Variants in INPP4B observed in about 807,000 individuals in gnomAD.
INPP4B encodes the protein inositol polyphosphate-4-phosphatase type II B, also known as inositol polyphosphate 4-phosphatase type II.
In INPP4B, 55 loss-of-function variants were observed where a neutral mutation model predicts 122.5. That is an observed-to-expected ratio of 0.45 (90% CI 0.36 to 0.56). The LOEUF (loss-of-function observed/expected upper bound fraction) is 0.56. INPP4B is among the 20% of genes least tolerant of loss of function. INPP4B has a pLI of 0.00. For synonymous variants in INPP4B, 403 were observed against 388.7 expected, an observed-to-expected ratio of 1.04 and a Z score of -0.43; for missense variants, 1,000 against 1,097.7, an observed-to-expected ratio of 0.91 and a Z score of 1.26.
intron 25 of INPP4B, among the ~76,000 whole-genome samples, chr4:142,057,532 C>G (rs140226262): frequency 1.6e-3 from 236 of 152,134 alleles, no homozygotes; most frequent in African/African-American, 5.5e-3. Context: ...AAGAGGTCAG[C>G]TGGTATTGGT....
intron 1 of INPP4B, among the ~76,000 whole-genome samples, chr4:142,758,438 C>T (rs1163522912): frequency 1.3e-5 from 2 of 152,066 alleles, no homozygotes; most frequent in African/African-American, 2.4e-5. Flanking sequence ...GAAAAGGACT[C>T]TTTTTGGAAA....
At chr4:142,447,550 G>T (rs1294809677) in intron 3 of INPP4B, among the ~76,000 whole-genome samples, 1 of 152,124 alleles carries the variant, frequency 6.6e-6, no homozygotes, top group Non-Finnish European at 1.5e-5. Context: ...AGTCTCTAGA[G>T]CCAGCAAGAC....
chr4:142,089,234 A>T (rs1256154489), intron 23 of INPP4B, among the ~76,000 whole-genome samples: 3 of 152,152 alleles, frequency 2.0e-5, no homozygotes, highest in Admixed American at 1.3e-4. Context: ...CCCTTCTGGA[A>T]AGCCCCTGAG....
chr4:142,149,985 T>C (rs1812933561), intron 17 of INPP4B, among the ~76,000 whole-genome samples: 1 of 152,080 alleles, frequency 6.6e-6, no homozygotes, highest in Non-Finnish European at 1.5e-5. Flanking sequence ...TAGAGAAGGG[T>C]AAGAAAGATT....
chr4:142,151,775 A>G (rs1212037585), intron 17 of INPP4B, among the ~76,000 whole-genome samples: 2 of 152,228 alleles, frequency 1.3e-5, no homozygotes, highest in Non-Finnish European at 2.9e-5. Context: ...TTAGTCTTCA[A>G]AATGAAACCT....
intron 5 of INPP4B, among the ~76,000 whole-genome samples, chr4:142,420,452 C>A (rs1375624393): frequency 6.6e-6 from 1 of 152,072 alleles, no homozygotes; most frequent in Non-Finnish European, 1.5e-5. Context: ...AGGCTACAAT[C>A]CAACTGCAGA....
intron 1 of INPP4B, among the ~76,000 whole-genome samples, chr4:142,758,478 C>T (rs1409084239): frequency 6.6e-6 from 1 of 152,182 alleles, no homozygotes; most frequent in East Asian, 1.9e-4. Flanking sequence ...TTGTAAGTTC[C>T]TCCAGAGGCC....
At position 142,587,258 on chromosome 4, in the gene INPP4B, A is replaced by AT. The variant is rs560480567; in HGVS notation, c.-190-124533dup. Among the ~76,000 whole-genome samples the AT allele has an allele frequency of 5.2e-3, 797 of 151,954 alleles. 5 individuals are homozygous for AT. The highest frequency in any genetic ancestry group is 0.017 in the African/African-American group (722 of 41,450). On this transcript the variant is annotated intron_variant, in intron 2 of 25. Coordinates refer to ENST00000262992, the MANE Select transcript of INPP4B (RefSeq NM_001101669.3). ...ACACCCCATCCATTTTTAAGAGGTC[A>AT]TTTTTTTTATATCACTGGTTTCCAT... is the stretch of plus-strand genomic sequence containing the variant.
intron 9 of INPP4B, among the ~76,000 whole-genome samples, chr4:142,286,068 T>G (rs1033783154): frequency 3.9e-5 from 6 of 152,074 alleles, no homozygotes; most frequent in African/African-American, 1.4e-4. Flanking sequence ...CCTACAGGAC[T>G]TTTTTTGTTA....
chr4:142,759,858 A>T, intron 1 of INPP4B, among the ~76,000 whole-genome samples: 1 of 145,962 alleles, frequency 6.9e-6, no homozygotes, highest in East Asian at 2.0e-4. Flanking sequence ...AAAAAATTTA[A>T]TTGCCCTGTG....
chr4:142,345,367 T>C (rs533975803), intron 7 of INPP4B, among the ~76,000 whole-genome samples: 1 of 152,112 alleles, frequency 6.6e-6, no homozygotes, highest in South Asian at 2.1e-4. Flanking sequence ...TTCCCTAATT[T>C]AAAATTAAGA....
chr4:142,351,156 T>C (rs749398488), intron 7 of INPP4B, among the ~76,000 whole-genome samples: 3 of 151,946 alleles, frequency 2.0e-5, no homozygotes, highest in Non-Finnish European at 2.9e-5. Context: ...GCCTGACCCA[T>C]GTTCCCTCTG....
chr4:142,091,414 T>C (rs908637182), intron 23 of INPP4B, among the ~76,000 whole-genome samples: 7 of 152,158 alleles, frequency 4.6e-5, no homozygotes, highest in Non-Finnish European at 7.3e-5. Flanking sequence ...TGGAAAACAA[T>C]GAATAAAACT....
At chr4:142,258,746 A>G (rs906947729) in intron 11 of INPP4B, among the ~76,000 whole-genome samples, 1 of 152,186 alleles carries the variant, frequency 6.6e-6, no homozygotes, top group Non-Finnish European at 1.5e-5. Flanking sequence ...ACACTTTTAC[A>G]CTGTTGGTGG....
chr4:142,307,966 G>T (rs1207578507), intron 8 of INPP4B, among the ~76,000 whole-genome samples: 8 of 151,906 alleles, frequency 5.3e-5, no homozygotes, highest in Non-Finnish European at 8.8e-5. Context: ...GAGACAGGTG[G>T]AATTGCTATT....
intron 1 of INPP4B, among the ~76,000 whole-genome samples, chr4:142,792,165 A>G (rs547008188): frequency 1.3e-5 from 2 of 152,182 alleles, no homozygotes; most frequent in Admixed American, 1.3e-4. Context: ...AGGCAGAAGG[A>G]TCGCTTGAGC....
chr4:142,215,892 C>CAAAAAAAAAAAAAAAA lies in INPP4B; in HGVS notation c.837-6882_837-6867dup, dbSNP rs200657873. Among the ~76,000 whole-genome samples the CAAAAAAAAAAAAAAAA allele has an allele frequency of 1.1e-4, 6 of 54,578 alleles. 1 individual carries two copies. The highest frequency in any genetic ancestry group is 1.7e-4 in the Non-Finnish European group (5 of 30,206). 35.8% of individuals were successfully genotyped at this position (54,578 alleles called of 152,430 possible). On this transcript the variant is annotated intron_variant, in intron 12 of 25. Coordinates refer to ENST00000262992, the MANE Select transcript of INPP4B (RefSeq NM_001101669.3). ...TGGGCAACAGACCAAGACTCTGTCTCAAAAAAAAAAAAAAAAAAAAAAAAA... is the reference window on the plus strand; with the variant it reads ...TGGGCAACAGACCAAGACTCTGTCTCAAAAAAAAAAAAAAAAAAAAAAAAAAAAAAAAAAAAAAAAA...
chr4:142,177,943 C>A (rs1184693519), intron 15 of INPP4B, among the ~76,000 whole-genome samples: 2 of 152,164 alleles, frequency 1.3e-5, no homozygotes, highest in African/African-American at 2.4e-5. Flanking sequence ...GCTCTTGGAA[C>A]TCTTTTGTCT....
Position 142,254,392 on chromosome 4 carries a change from G to T in INPP4B, c.688+6100C>A, listed in dbSNP as rs558036885. Among the ~76,000 whole-genome samples the T allele has an allele frequency of 5.1e-3, 726 of 142,056 alleles. 12 individuals carry two copies. The highest frequency in any genetic ancestry group is 0.018 in the African/African-American group (696 of 39,448). The allele number at this position is 142,056 out of a possible 152,430, so 93.2% of individuals were successfully genotyped here. On this transcript the variant is annotated intron_variant, in intron 11 of 25. Transcript: ENST00000262992. The stretch of plus-strand genomic sequence containing the variant: ...GAGCTGAGAGAAGAAGGCTTCAGAT[G>T]ATCAAATTACTCCGAGCTACGGGAG...
Sources: allele counts gnomAD v4.1 joint callset (sites outside exome capture counted in the v4.1 genomes callset), GRCh38; gene constraint gnomAD v4.1.1; transcripts MANE v1.5; gene names NCBI Gene and HGNC (gene_info 2026-07-23, HGNC 2026-07-21).